Variants in STK11IP observed in about 807,000 individuals in gnomAD.
STK11IP encodes serine/threonine-protein kinase 11-interacting protein.
A neutral mutation model predicts 131.7 loss-of-function variants in STK11IP; 103 were observed. That is an observed-to-expected ratio of 0.78 (90% CI 0.67 to 0.92). STK11IP has a LOEUF of 0.92. Ranked by LOEUF, STK11IP falls within the 40% of genes least tolerant of loss-of-function variation. STK11IP has a pLI of 0.00. For synonymous variants in STK11IP, 557 were observed against 575.6 expected, an observed-to-expected ratio of 0.97 and a Z score of 0.46; for missense variants, 1,315 against 1,385.7, an observed-to-expected ratio of 0.95 and a Z score of 0.81.
In STK11IP at chr2:219,611,954, G is replaced by C; in HGVS notation, c.2336-1G>C. ...GGCTGATGCCCCCTCATTGCCCTCA[G>C]CCCCTGAGCGCTGTGGCCTCCGCTC... On this transcript the variant is annotated splice_acceptor_variant, in intron 18 of 24. Transcript: ENST00000456909. LOFTEE classifies it high-confidence loss of function. 1 of 1,591,596 alleles carries C rather than the reference G, an allele frequency of 6.3e-7. No homozygotes were observed. Among genetic ancestry groups the C allele is most frequent in the Non-Finnish European group, 8.5e-7 (1 of 1,169,894 alleles).
chr2:219,609,264 CA>C (rs1559183851), intron 16 of STK11IP, 51 bp downstream of exon 16: 1 of 1,575,066 alleles, frequency 6.3e-7, no homozygotes, highest in Middle Eastern at 1.7e-4. Context: ...TTAAGAGAGC[CA>C]GAGGGAAGTG....
rs1698504147 is a variant in STK11IP, at chr2:219,614,329, TG to T, written c.2798+90del. 8.3e-6 allele frequency: 13 copies of T among 1,562,104 alleles called. 1 individual carries two copies. In the South Asian group the frequency reaches 1.3e-4, roughly 16 times the overall value. On this transcript the variant is annotated intron_variant, in intron 22 of 24. Coordinates refer to ENST00000456909, the MANE Select transcript of STK11IP (RefSeq NM_052902.4). ...ACATGGCCCTGTGCTGAGTAGGTCC[TG>T]GGCAGCCACCTGTCCTCATGCCATG...
chr2:219,599,779 G>C (rs1697919538), intron 2 of STK11IP, among the ~76,000 whole-genome samples: 1 of 151,210 alleles, frequency 6.6e-6, no homozygotes, highest in African/African-American at 2.4e-5. Flanking sequence ...TGTCACCCAG[G>C]CTGGAGTGCA....
Position 219,605,957 on chromosome 2 carries a change from C to T in STK11IP, c.747C>T (p.Gly249=). ...LRGNELRSLH[G]LEQLRNLRHL... ...CCTTCCTTCTTGCGTCCACCCCAGGCCTAGAGCAGCTGAGGAATCTGCGGC... is the reference window on the plus strand; with the variant it reads ...CCTTCCTTCTTGCGTCCACCCCAGGTCTAGAGCAGCTGAGGAATCTGCGGC... Residue 249 remains glycine (G), a splice_region_variant and synonymous_variant, in exon 9 of 25, where the codon GGC becomes GGT. Transcript: ENST00000456909. 6.2e-7 allele frequency: 1 copy of T among 1,600,458 alleles called. No homozygotes were observed.
intron 1 of STK11IP, 45 bp downstream of exon 1, chr2:219,597,968 G>A: frequency 1.2e-6 from 2 of 1,608,126 alleles, no homozygotes; most frequent in South Asian, 2.2e-5. Flanking sequence ...GCGGCCAGGA[G>A]GATGCTCTTC....
At chr2:219,603,036 G>GTTT (rs750626798) in intron 7 of STK11IP, among the ~76,000 whole-genome samples, 55 of 118,738 alleles carry the variant, frequency 4.6e-4, no homozygotes, top group Middle Eastern at 4.7e-3. Context: ...AGAGTACCTG[G>GTTT]TTTTTTTTTT....
At position 219,608,321 on chromosome 2, in the gene STK11IP, AGAG is replaced by A; in HGVS notation, c.1498_1500del (p.Glu500del). On this transcript the variant is annotated inframe_deletion, in exon 14 of 25. Coordinates refer to ENST00000456909, the MANE Select transcript of STK11IP (RefSeq NM_052902.4). ...TCAGGGCGGAGCCACAGGAGGAGGA[AGAG>A]GAGAAGGAGGGGAAGGAGGAGAAGG... 2 of 1,604,404 alleles carry A rather than the reference AGAG, an allele frequency of 1.2e-6. No homozygotes were observed. Among genetic ancestry groups the A allele is most frequent in the South Asian group, 2.2e-5 (2 of 90,092 alleles).
At position 219,611,734 on chromosome 2, in the gene STK11IP, C is replaced by T. The variant is rs1467420870; in HGVS notation, c.2235C>T (p.Val745=). 11 of 1,612,986 alleles carry T rather than the reference C, an allele frequency of 6.8e-6. No homozygotes were observed. In the African/African-American group the frequency reaches 1.1e-4, roughly 16 times the overall value. The part of the protein sequence containing the change: ...SLAPSPSASP[V]CHPPGHGDHL... Reference sequence around the variant, plus strand: ...CTCCTTCTCCGTCTGCCAGCCCTGTCTGCCACCCTCCTGGCCATGGTGACC... The same window carrying T: ...CTCCTTCTCCGTCTGCCAGCCCTGTTTGCCACCCTCCTGGCCATGGTGACC... Residue 745 remains valine, a synonymous_variant, in exon 18 of 25, where the codon GTC becomes GTT. Coordinates refer to ENST00000456909, the MANE Select transcript of STK11IP (RefSeq NM_052902.4).
At chr2:219,598,532 G>A (rs1449423308) in intron 2 of STK11IP, 1 of 205,674 alleles carries the variant, frequency 4.9e-6, no homozygotes, top group Non-Finnish European at 9.7e-6. Context: ...GTAGATAGAA[G>A]CACGAGATTT....
chr2:219,613,130 G>A lies in STK11IP; in HGVS notation c.2442G>A (p.Val814=). ...AQEEFQCCLK[V]PVALAGHTGE... ...TCACCAACTTCCTCTTCCCCCAGGT[G>A]CCAGTGGCATTGGCAGGCCACACTG... Residue 814 remains valine (V), a splice_region_variant and synonymous_variant, in exon 20 of 25, where the codon GTG becomes GTA. Coordinates refer to ENST00000456909, the MANE Select transcript of STK11IP (RefSeq NM_052902.4). The A allele has an allele frequency of 6.2e-7, 1 of 1,611,684 alleles. No individual in the cohort carries two copies. The highest frequency in any genetic ancestry group is 8.5e-7 in the Non-Finnish European group (1 of 1,179,124).
chr2:219,607,910 G>A lies in STK11IP; in HGVS notation c.1220-137G>A, dbSNP rs867679068. 1.3e-4 allele frequency: 151 copies of A among 1,168,140 alleles called. 1 individual carries two copies. The Middle Eastern group carries it at 3.0e-3, about 23-fold the overall frequency. 72.4% of individuals were successfully genotyped at this position (1,168,140 alleles called of 1,614,324 possible). ...ACACGCTTTAGTACATGCCGCGGAG[G>A]GGACGCCTGTAGCCTCCCTTGCCCG... On this transcript the variant is annotated intron_variant, in intron 13 of 24. Transcript: ENST00000456909.
intron 1 of STK11IP, 49 bp downstream of exon 1, chr2:219,597,972 G>T (rs1239446842): frequency 1.9e-6 from 3 of 1,606,500 alleles, no homozygotes; most frequent in East Asian, 2.3e-5. Context: ...CCAGGAGGAT[G>T]CTCTTCCTCT....
chr2:219,611,258 G>T (rs1265879036), intron 17 of STK11IP, among the ~76,000 whole-genome samples: 3 of 152,206 alleles, frequency 2.0e-5, no homozygotes, highest in Non-Finnish European at 4.4e-5. Context: ...TTCAGACGTT[G>T]CTAGGAGAGC....
At chr2:219,612,598 T>C (rs1166706727) in intron 19 of STK11IP, among the ~76,000 whole-genome samples, 1 of 150,604 alleles carries the variant, frequency 6.6e-6, no homozygotes, top group East Asian at 2.0e-4. Context: ...AGTTAAGGAG[T>C]AGGGAGGAAA....
At chr2:219,605,557 G>T in intron 7 of STK11IP, 51 bp from the exon 8 acceptor site, 1 of 1,546,652 alleles carries the variant, frequency 6.5e-7, no homozygotes, top group Non-Finnish European at 8.7e-7. Flanking sequence ...GAGGACCCTG[G>T]CTAGAGTTTG....
intron 17 of STK11IP, 104 bp from the exon 18 acceptor site, chr2:219,611,500 G>T: frequency 2.0e-6 from 2 of 978,448 alleles, no homozygotes; most frequent in East Asian, 2.4e-5. Context: ...CTGGAGGCTT[G>T]GGCTCAGGGG....
chr2:219,604,019 C>T (rs1698075088), intron 7 of STK11IP, among the ~76,000 whole-genome samples: 1 of 152,072 alleles, frequency 6.6e-6, no homozygotes, highest in Admixed American at 6.5e-5. Context: ...GAGGTTGATT[C>T]ACATGAAGCC....
At position 219,612,650 on chromosome 2, in the gene STK11IP, C is replaced by T. The variant is rs528312097; in HGVS notation, c.2440-478C>T. Among the ~76,000 whole-genome samples the T allele has an allele frequency of 5.9e-5, 9 of 152,176 alleles. No homozygotes were observed. The South Asian group carries it at 8.3e-4, about 14-fold the overall frequency. ...AGGAAGCCGCAAATGCATGGAGGCC[C>T]GAGAGTGTCGCTGGTGGGGAGAACT... On this transcript the variant is annotated intron_variant, in intron 19 of 24. Transcript: ENST00000456909.
chr2:219,609,496 G>A lies in STK11IP; in HGVS notation c.2060G>A (p.Gly687Glu). 6.3e-7 allele frequency: 1 copy of A among 1,596,714 alleles called. No individual in the cohort carries two copies. Among genetic ancestry groups the A allele is most frequent in the Non-Finnish European group, 8.5e-7 (1 of 1,171,366 alleles). The change falls in exon 17 of 25, where the codon GGA becomes GAA. Residue 687 changes from glycine (G) to glutamate (E), a missense_variant. Physicochemically the swap from Gly to Glu is moderately conservative, Grantham distance 98 (BLOSUM62 -2). Coordinates refer to ENST00000456909, the MANE Select transcript of STK11IP (RefSeq NM_052902.4). ...HEFKPEEPRM[G>E]LDSEEGWRPL... ...TTCAAGCCAGAGGAGCCCAGGATGGGATTAGACAGTGAGGAAGGCTGGAGG... is the reference window on the plus strand; with the variant it reads ...TTCAAGCCAGAGGAGCCCAGGATGGAATTAGACAGTGAGGAAGGCTGGAGG...
Sources: allele counts gnomAD v4.1 joint callset (sites outside exome capture counted in the v4.1 genomes callset), GRCh38; gene constraint gnomAD v4.1.1; transcripts MANE v1.5; gene names NCBI Gene and HGNC (gene_info 2026-07-23, HGNC 2026-07-21).